Variants in OR2T10 observed in about 807,000 individuals in gnomAD.
OR2T10 encodes olfactory receptor family 2 subfamily T member 10, also known as olfactory receptor 2T10.
For missense variants in OR2T10, 335 were observed against 382.5 expected, an observed-to-expected ratio of 0.88 and a Z score of 1.04; for synonymous variants, 125 against 141.8, an observed-to-expected ratio of 0.88 and a Z score of 0.84.
Position 248,596,491 on chromosome 1 carries a change from A to G in OR2T10, c.-29+1001T>C, listed in dbSNP as rs1660093423. Among the ~76,000 whole-genome samples, 2 of 143,062 alleles carry G rather than the reference A, an allele frequency of 1.4e-5. 1 individual carries two copies. The highest frequency in any genetic ancestry group is 5.5e-5 in the African/African-American group (2 of 36,168). 93.9% of individuals were successfully genotyped at this position (143,062 alleles called of 152,430 possible). ...TGGATATTGCATTTCTTGGCCATGT[A>G]GTTCAAGCTACCGTTCTTCCACAGA... is the stretch of plus-strand genomic sequence containing the variant. On this transcript the variant is annotated intron_variant, in intron 1 of 1. Transcript: ENST00000642090.
In OR2T10 at chr1:248,592,886, T is replaced by C. The variant is rs755592675; in HGVS notation, c.883A>G (p.Lys295Glu). ...TTTTTCAAAGCCCTTGTGACATCCT[T>C]ATTCCTGAAACTGTAAATGATAGGA... Reference protein sequence around the residue: ...LNPIIYSFRNKDVTRALKKML... With the variant: ...LNPIIYSFRNEDVTRALKKML... The change falls in exon 2 of 2, where the codon AAG becomes GAG. Residue 295 changes from lysine to glutamate, a missense_variant. Transcript: ENST00000642090. 2 of 1,568,486 alleles carry C rather than the reference T, an allele frequency of 1.3e-6. No individual in the cohort carries two copies. The highest frequency in any genetic ancestry group is 1.1e-5 in the South Asian group (1 of 88,630).
Position 248,590,810 on chromosome 1 carries a change from A to G in OR2T10, c.*2020T>C, listed in dbSNP as rs1199091951. ...ACAAATTACTACCTCTACTACATCA[A>G]TATTGATATATCTTCAACATGATTT... On this transcript the variant is annotated 3_prime_UTR_variant, in exon 2 of 2. Coordinates refer to ENST00000642090, the MANE Select transcript of OR2T10 (RefSeq NM_001004693.2). The G allele has an allele frequency of 4.2e-5, 6 of 143,512 alleles. 1 individual carries two copies. The highest frequency in any genetic ancestry group is 9.0e-5 in the Non-Finnish European group (6 of 66,334). The allele number at this position is 143,512 out of a possible 1,614,324, so 8.9% of individuals were successfully genotyped here.
In OR2T10 at chr1:248,593,684, A is replaced by T; in HGVS notation, c.85T>A (p.Leu29Met). 6.4e-7 allele frequency: 1 copy of T among 1,563,296 alleles called. No homozygotes were observed. The highest frequency in any genetic ancestry group is 8.7e-7 in the Non-Finnish European group (1 of 1,150,700). Residue 29 changes from leucine to methionine, a missense_variant, in exon 2 of 2, where the codon TTG (leucine) becomes ATG (methionine). Transcript: ENST00000642090. ...SQISHPGRLCLLIFSIFLMAV... is the reference protein window; with the variant it reads ...SQISHPGRLCMLIFSIFLMAV... ...ATCAAAAATATACTGAAGATAAGCA[A>T]GCAGAGGCGGCCAGGGTGTGAGATC...
In OR2T10 at chr1:248,593,426, G is replaced by A; in HGVS notation, c.343C>T (p.Leu115=). Residue 115 remains leucine (L), a synonymous_variant, in exon 2 of 2, where the codon CTA becomes TTA. Coordinates refer to ENST00000642090, the MANE Select transcript of OR2T10 (RefSeq NM_001004693.2). ...TAGCGGTCATAGGCCATGGCGGCTAGAAGGCAGCACTCTGCACCTCCCAAC... is the reference window on the plus strand; with the variant it reads ...TAGCGGTCATAGGCCATGGCGGCTAAAAGGCAGCACTCTGCACCTCCCAAC... The part of the protein sequence containing the change: ...LQLGGAECCL[L]AAMAYDRYVA... 5 of 1,572,158 alleles carry A rather than the reference G, an allele frequency of 3.2e-6. No homozygotes were observed. The highest frequency in any genetic ancestry group is 4.3e-6 in the Non-Finnish European group (5 of 1,156,352).
Position 248,594,395 on chromosome 1 carries a change from A to T in OR2T10, c.-28-599T>A, listed in dbSNP as rs1161510036. ...TCAAATTTCTTTAAATGTATTAAAG[A>T]CACTAGTACAACTTGTAAATTTCTC... On this transcript the variant is annotated intron_variant, in intron 1 of 1. Transcript: ENST00000642090. Among the ~76,000 whole-genome samples the T allele has an allele frequency of 2.8e-5, 4 of 144,024 alleles. 1 individual carries two copies. The allele number at this position is 144,024 out of a possible 152,430, so 94.5% of individuals were successfully genotyped here.
Position 248,593,506 on chromosome 1 carries a change from T to C in OR2T10, c.263A>G (p.Lys88Arg). 6.4e-7 allele frequency: 1 copy of C among 1,572,298 alleles called. No individual in the cohort carries two copies. The highest frequency in any genetic ancestry group is 8.6e-7 in the Non-Finnish European group (1 of 1,156,592). The change falls in exon 2 of 2, where the codon AAA (lysine) becomes AGA (arginine). Residue 88 changes from lysine to arginine, a missense_variant. By Grantham distance (26) the Lys-to-Arg change is conservative. Coordinates refer to ENST00000642090, the MANE Select transcript of OR2T10 (RefSeq NM_001004693.2). ...CCCAAGGACCGAGATGGTCTTGTCT[T>C]TGGCCAGCTGGTTCACCAGCATTTT... ...VPKMLVNQLA[K>R]DKTISVLGCG...
rs1480528506 is a variant in OR2T10 at position 248,592,806 on chromosome 1, G to A, written c.*24C>T. ...GTGAAGAGAGACTCTAAGAAGAGAGGACCAACTTAAGTTCTTTCACACTTT... is the reference window on the plus strand; with the variant it reads ...GTGAAGAGAGACTCTAAGAAGAGAGAACCAACTTAAGTTCTTTCACACTTT... On this transcript the variant is annotated 3_prime_UTR_variant, in exon 2 of 2. Coordinates refer to ENST00000642090, the MANE Select transcript of OR2T10 (RefSeq NM_001004693.2). 17 of 1,340,010 alleles carry A rather than the reference G, an allele frequency of 1.3e-5. 3 individuals are homozygous for A. The highest frequency in any genetic ancestry group is 1.2e-4 in the Admixed American group (6 of 50,600). 83.0% of individuals were successfully genotyped at this position (1,340,010 alleles called of 1,614,324 possible).
At chr1:248,597,115 T>G (rs1296479111) in intron 1 of OR2T10, among the ~76,000 whole-genome samples, 1 of 143,684 alleles carries the variant, frequency 7.0e-6, no homozygotes, top group African/African-American at 2.7e-5. Flanking sequence ...AATCAGTTAT[T>G]TTTTTAGTTT....
In OR2T10 at chr1:248,592,596, A is replaced by G. The variant is rs1660027112; in HGVS notation, c.*234T>C. 2.7e-6 allele frequency: 1 copy of G among 371,282 alleles called. No homozygotes were observed. The highest frequency in any genetic ancestry group is 5.0e-5 in the South Asian group (1 of 20,108). The allele number at this position is 371,282 out of a possible 1,614,324, so 23.0% of individuals were successfully genotyped here. ...ATATTTCTCCACTGTAATCTAAAAA[A>G]AGGACCATTGGCCCCGAAGGACTGG... On this transcript the variant is annotated 3_prime_UTR_variant, in exon 2 of 2. Transcript: ENST00000642090.
chr1:248,594,440 A>G (rs1660061937), intron 1 of OR2T10, among the ~76,000 whole-genome samples: 2 of 143,964 alleles, frequency 1.4e-5, no homozygotes, highest in African/African-American at 2.7e-5. Flanking sequence ...TTACTTTTAC[A>G]CATATGTGAT....
At chr1:248,595,306 AT>A (rs1378678544) in intron 1 of OR2T10, among the ~76,000 whole-genome samples, 1 of 144,028 alleles carries the variant, frequency 6.9e-6, no homozygotes, top group Non-Finnish European at 1.5e-5. Flanking sequence ...TCAAATGTTT[AT>A]TTAAATCAGA....
intron 1 of OR2T10, among the ~76,000 whole-genome samples, chr1:248,596,174 C>T (rs1167261571): frequency 1.4e-5 from 2 of 143,428 alleles, no homozygotes; most frequent in Non-Finnish European, 1.5e-5. Flanking sequence ...GTAGACTTAA[C>T]GGAATTTCCA....
Position 248,593,454 on chromosome 1 carries a change from C to T in OR2T10, c.315G>A (p.Leu105=). 1 of 1,572,184 alleles carries T rather than the reference C, an allele frequency of 6.4e-7. No individual in the cohort carries two copies. Among genetic ancestry groups the T allele is most frequent in the Non-Finnish European group, 8.6e-7 (1 of 1,156,412 alleles). The part of the protein sequence containing the change: ...LGCGTQMYFY[L]QLGGAECCLL... ...GGCAGCACTCTGCACCTCCCAACTG[C>T]AGGTAGAAGTACATCTGGGTGCCAC... The change falls in exon 2 of 2, where the codon CTG becomes CTA. Residue 105 remains leucine (L), a synonymous_variant. Transcript: ENST00000642090.
rs907550612 is a variant in OR2T10, at chr1:248,597,668, T to C, written c.-205A>G. ...AGGGTTTCAGATGATGAAACACTTATGAACTTGATGACTCTCCCTGAAGAG... is the reference window on the plus strand; with the variant it reads ...AGGGTTTCAGATGATGAAACACTTACGAACTTGATGACTCTCCCTGAAGAG... On this transcript the variant is annotated 5_prime_UTR_variant, in exon 1 of 2. Transcript: ENST00000642090. 2.8e-5 allele frequency: 4 copies of C among 143,406 alleles called. 1 individual carries two copies. The highest frequency in any genetic ancestry group is 1.1e-4 in the African/African-American group (4 of 36,420). The allele number at this position is 143,406 out of a possible 1,614,324, so 8.9% of individuals were successfully genotyped here.
rs1388317357 is a variant in OR2T10, at chr1:248,590,679, GCTT to G, written c.*2148_*2150del. On this transcript the variant is annotated 3_prime_UTR_variant, in exon 2 of 2. Coordinates refer to ENST00000642090, the MANE Select transcript of OR2T10 (RefSeq NM_001004693.2). ...CACGTCTCTTTTTCATTCTTTCGTT[GCTT>G]CTTTTAGAAATATAAAAATCTATCA... 3 of 141,900 alleles carry G rather than the reference GCTT, an allele frequency of 2.1e-5. 1 individual carries two copies. In the East Asian group the frequency reaches 6.1e-4, roughly 29 times the overall value. 8.8% of individuals were successfully genotyped at this position (141,900 alleles called of 1,614,324 possible). A position where few individuals can be genotyped will look rare whatever the true frequency, so the allele number is the denominator to read the frequency against.
At position 248,593,025 on chromosome 1, in the gene OR2T10, G is replaced by A; in HGVS notation, c.744C>T (p.Val248=). ...AAATAGCAGCTCCATAGAAGAGGCT[G>A]ACCACTGTAATGTGGGAGGAGCAGG... The part of the protein sequence containing the change: ...FTTCSSHITV[V]SLFYGAAIYN... The change falls in exon 2 of 2, where the codon GTC becomes GTT. Residue 248 remains valine, a synonymous_variant. Transcript: ENST00000642090. The A allele has an allele frequency of 6.4e-7, 1 of 1,572,498 alleles. No homozygotes were observed. The highest frequency in any genetic ancestry group is 2.3e-5 in the East Asian group (1 of 43,640).
At position 248,592,887 on chromosome 1, in the gene OR2T10, A is replaced by T. The variant is rs777409407; in HGVS notation, c.882T>A (p.Asn294Lys). Residue 294 changes from asparagine (N) to lysine (K), a missense_variant, in exon 2 of 2, where the codon AAT becomes AAA. Transcript: ENST00000642090. ...VLNPIIYSFR[N>K]KDVTRALKKM... is the part of the protein sequence containing the mutation. ...TTTTCAAAGCCCTTGTGACATCCTT[A>T]TTCCTGAAACTGTAAATGATAGGAT... 3 of 1,568,310 alleles carry T rather than the reference A, an allele frequency of 1.9e-6. 1 individual carries two copies. The highest frequency in any genetic ancestry group is 2.6e-6 in the Non-Finnish European group (3 of 1,153,328).
rs1660023065 is a variant in OR2T10, at chr1:248,592,388, TA to T, written c.*441del. 6.8e-6 allele frequency: 1 copy of T among 147,328 alleles called. No homozygotes were observed. Among genetic ancestry groups the T allele is most frequent in the Non-Finnish European group, 1.5e-5 (1 of 68,608 alleles). 9.1% of individuals were successfully genotyped at this position (147,328 alleles called of 1,614,324 possible). A position where few individuals can be genotyped will look rare whatever the true frequency, so the allele number is the denominator to read the frequency against. On this transcript the variant is annotated 3_prime_UTR_variant, in exon 2 of 2. Coordinates refer to ENST00000642090, the MANE Select transcript of OR2T10 (RefSeq NM_001004693.2). ...GTCATTTGTGAAATGTGGGTGACCT[TA>T]GCCTCAGCCACAGAGGGTGAAGGTC...
Position 248,593,171 on chromosome 1 carries a change from A to C in OR2T10, c.598T>G (p.Tyr200Asp). The stretch of plus-strand genomic sequence containing the variant: ...AGGAGCATGATGACACAGCACAAGT[A>C]CATGAAAATCTTGTAAAGTGAGGTG... ...SDTSLYKIFMYLCCVIMLLIP... is the reference protein window; with the variant it reads ...SDTSLYKIFMDLCCVIMLLIP... Residue 200 changes from tyrosine to aspartate, a missense_variant, in exon 2 of 2, where the codon TAC becomes GAC. Coordinates refer to ENST00000642090, the MANE Select transcript of OR2T10 (RefSeq NM_001004693.2). The C allele has an allele frequency of 6.4e-7, 1 of 1,572,440 alleles. No individual in the cohort carries two copies. The highest frequency in any genetic ancestry group is 2.3e-5 in the East Asian group (1 of 43,652).
Sources: gnomAD v4.1 joint callset for allele counts (sites outside exome capture counted in the v4.1 genomes callset) on GRCh38, gnomAD v4.1.1 for gene constraint, MANE v1.5 for transcripts, NCBI Gene and HGNC (gene_info 2026-07-23, HGNC 2026-07-21) for gene names.